PTPRN2: variants seen among roughly 807,000 people sequenced by gnomAD.
PTPRN2 encodes receptor-type tyrosine-protein phosphatase N2.
PTPRN2 carries 74 observed loss-of-function variants against 118.8 expected under a neutral mutation model. The ratio of observed to expected loss-of-function variants is 0.62; its 90% confidence interval spans 0.52 to 0.76. The LOEUF (loss-of-function observed/expected upper bound fraction) is 0.76, where lower values mean the gene tolerates loss of function less well. Ranked by LOEUF, PTPRN2 falls within the 30% of genes least tolerant of loss-of-function variation. The probability of loss-of-function intolerance (pLI) is 0.00; values close to 1 mark genes in which losing one functional copy is unlikely to be tolerated. For missense variants in PTPRN2, 1,481 were observed against 1,394.4 expected (o/e 1.06, Z -0.99); for synonymous variants, 641 against 608.0 (o/e 1.05, Z -0.80).
At chr7:157,841,952 T>A (rs1452852511) in intron 12 of PTPRN2, among the ~76,000 whole-genome samples, 4 of 152,064 alleles carry the variant, frequency 2.6e-5, no homozygotes, top group Non-Finnish European at 5.9e-5. Flanking sequence ...CTCTCCCCCA[T>A]AATGCAAAGC....
intron 14 of PTPRN2, among the ~76,000 whole-genome samples, chr7:157,641,877 G>A (rs577025643): frequency 4.7e-4 from 71 of 152,182 alleles, no homozygotes; most frequent in African/African-American, 1.6e-3. Context: ...GCTACCTGAC[G>A]TCTGGCTCAA....
intron 11 of PTPRN2, among the ~76,000 whole-genome samples, chr7:158,068,022 G>A (rs1810909684): frequency 6.6e-6 from 1 of 152,164 alleles, no homozygotes; most frequent in African/African-American, 2.4e-5. Context: ...GGAGATGGCA[G>A]GACCGGGTAT....
chr7:157,575,189 A>T (rs1799967944), intron 19 of PTPRN2, among the ~76,000 whole-genome samples: 1 of 152,274 alleles, frequency 6.6e-6, no homozygotes, highest in Non-Finnish European at 1.5e-5. Flanking sequence ...CGGGGTGTTA[A>T]GATGAATTGC....
chr7:158,577,132 T>C (rs1251746823), intron 1 of PTPRN2, among the ~76,000 whole-genome samples: 138 of 58,578 alleles, frequency 2.4e-3, no homozygotes, highest in East Asian at 5.3e-3. Context: ...CCAGCCCTCC[T>C]GAATGCCACA....
At chr7:157,981,327 C>T (rs1803127904) in intron 11 of PTPRN2, among the ~76,000 whole-genome samples, 1 of 124,036 alleles carries the variant, frequency 8.1e-6, no homozygotes. Context: ...TGAAACTGCT[C>T]AAACTCCTGC....
intron 1 of PTPRN2, among the ~76,000 whole-genome samples, chr7:158,560,604 C>T (rs1827316690): frequency 6.6e-6 from 1 of 152,280 alleles, no homozygotes; most frequent in African/African-American, 2.4e-5. Flanking sequence ...GTGGCGGTTC[C>T]TCACTGTGTC....
chr7:157,940,858 C>A (rs566969802), intron 11 of PTPRN2, among the ~76,000 whole-genome samples: 2 of 71,772 alleles, frequency 2.8e-5, no homozygotes, highest in Non-Finnish European at 2.3e-5. Context: ...CACTCTCCCC[C>A]ACAACACTGC....
At chr7:158,267,885 C>T (rs1350742187) in intron 3 of PTPRN2, among the ~76,000 whole-genome samples, 5 of 152,174 alleles carry the variant, frequency 3.3e-5, no homozygotes, top group Admixed American at 3.3e-4. Flanking sequence ...ACACTGTTTC[C>T]TACCTCCTTC....
chr7:158,018,181 G>A lies in PTPRN2; in HGVS notation c.1723+63117C>T, dbSNP rs187154537. ...CTGATTCCTCTTCAAGGAACGTGTGGAGCTGGAGCTAGGCCACATGCGCTG... is the reference window on the plus strand; with the variant it reads ...CTGATTCCTCTTCAAGGAACGTGTGAAGCTGGAGCTAGGCCACATGCGCTG... On this transcript the variant is annotated intron_variant, in intron 11 of 22. Transcript: ENST00000389418. 2.2e-4 allele frequency among the ~76,000 whole-genome samples: 34 copies of A among 152,322 alleles called. No homozygotes were observed. In the East Asian group the frequency reaches 6.2e-3, roughly 28 times the overall value.
intron 13 of PTPRN2, among the ~76,000 whole-genome samples, chr7:157,664,199 C>T (rs571733425): frequency 1.6e-4 from 25 of 152,352 alleles, no homozygotes; most frequent in Admixed American, 1.1e-3. Context: ...CGGTGCTGAA[C>T]GGAGGCGTGA....
intron 11 of PTPRN2, among the ~76,000 whole-genome samples, chr7:158,056,418 T>C (rs1225012129): frequency 6.6e-6 from 1 of 152,218 alleles, no homozygotes; most frequent in Admixed American, 6.5e-5. Flanking sequence ...CGTCCTCCCA[T>C]GAGCCCAGGG....
intron 1 of PTPRN2, among the ~76,000 whole-genome samples, chr7:158,543,198 G>A (rs1826088675): frequency 6.6e-6 from 1 of 152,252 alleles, no homozygotes; most frequent in South Asian, 2.1e-4. Context: ...GGATGTGGCT[G>A]CAGACAGCAC....
intron 4 of PTPRN2, among the ~76,000 whole-genome samples, chr7:158,197,726 G>A (rs1166205903): frequency 1.3e-5 from 2 of 152,166 alleles, no homozygotes; most frequent in Admixed American, 6.5e-5. Flanking sequence ...AAGGTGGCAG[G>A]AGAGAGAAGT....
intron 3 of PTPRN2, among the ~76,000 whole-genome samples, chr7:158,300,772 C>A (rs915312691): frequency 1.3e-5 from 2 of 151,902 alleles, no homozygotes; most frequent in Non-Finnish European, 2.9e-5. Context: ...TGAACGTGGC[C>A]GTGTGGAGGG....
intron 6 of PTPRN2, among the ~76,000 whole-genome samples, chr7:158,151,516 A>ACACCACCTGCCTTTCTATTCCTGCCTCT (rs1563522299): frequency 9.6e-5 from 1 of 10,436 alleles, no homozygotes; most frequent in Non-Finnish European, 1.9e-4. Context: ...TCTGCTCCTC[A>ACACCACCTGCCTTTCTATTCCTGCCTCT]CCGCACGTCC....
chr7:157,899,278 C>G (rs924399666), intron 11 of PTPRN2, among the ~76,000 whole-genome samples: 1 of 152,186 alleles, frequency 6.6e-6, no homozygotes, highest in African/African-American at 2.4e-5. Context: ...CCCTGGTTTT[C>G]TCCTGATGTA....
At chr7:157,719,625 G>A (rs1222064609) in intron 12 of PTPRN2, among the ~76,000 whole-genome samples, 1 of 152,176 alleles carries the variant, frequency 6.6e-6, no homozygotes, top group Non-Finnish European at 1.5e-5. Flanking sequence ...AGGCATGAGC[G>A]CCCCCGGAGA....
intron 12 of PTPRN2, among the ~76,000 whole-genome samples, chr7:157,819,991 A>G (rs1447730515): frequency 6.6e-6 from 1 of 150,870 alleles, no homozygotes; most frequent in Non-Finnish European, 1.5e-5. Flanking sequence ...CAACACACCC[A>G]CACACACAGA....
chr7:158,316,968 G>T, intron 2 of PTPRN2, 36 bp from the exon 3 acceptor site: 1 of 1,503,328 alleles, frequency 6.7e-7, no homozygotes, highest in Non-Finnish European at 9.1e-7. Context: ...AGAACGAGAC[G>T]TTTCATTTTC....
Sources: allele counts gnomAD v4.1 joint callset (sites outside exome capture counted in the v4.1 genomes callset), GRCh38; gene constraint gnomAD v4.1.1; transcripts MANE v1.5; gene names NCBI Gene and HGNC (gene_info 2026-07-23, HGNC 2026-07-21).